The following STK33 variants were observed in gnomAD, a reference collection of about 807,000 sequenced individuals.
STK33 encodes serine/threonine-protein kinase 33.
A neutral mutation model predicts 58.0 loss-of-function variants in STK33; 52 were observed. The observed-to-expected ratio is 0.90, with a 90% confidence interval of 0.72 to 1.13. The LOEUF is 1.13. Ranked by LOEUF, STK33 falls within the 50% of genes most tolerant of loss-of-function variation. The probability of loss-of-function intolerance (pLI) is 0.00; values close to 1 mark genes in which losing one functional copy is unlikely to be tolerated. For synonymous variants in STK33, 215 were observed against 200.1 expected (o/e 1.07, Z -0.63); for missense variants, 630 against 604.2 (o/e 1.04, Z -0.45).
intron 1 of STK33, among the ~76,000 whole-genome samples, chr11:8,560,100 T>C (rs1376096546): frequency 6.6e-6 from 1 of 152,162 alleles, no homozygotes; most frequent in Non-Finnish European, 1.5e-5. Context: ...CTATATGCAA[T>C]AACCTTTTAC....
At chr11:8,568,728 A>T (rs1240674737) in intron 1 of STK33, among the ~76,000 whole-genome samples, 1 of 152,212 alleles carries the variant, frequency 6.6e-6, no homozygotes, top group East Asian at 1.9e-4. Flanking sequence ...AATATAATGC[A>T]GCAGAAGGAA....
At chr11:8,396,683 C>T (rs766537982) in intron 15 of STK33, among the ~76,000 whole-genome samples, 21 of 152,156 alleles carry the variant, frequency 1.4e-4, no homozygotes, top group Non-Finnish European at 2.2e-4. Context: ...ACCCGGGAAG[C>T]GCAAGGGGTC....
At chr11:8,498,756 C>T (rs1951264236) in intron 1 of STK33, among the ~76,000 whole-genome samples, 1 of 152,138 alleles carries the variant, frequency 6.6e-6, no homozygotes, top group South Asian at 2.1e-4. Flanking sequence ...TGGAACAGAA[C>T]AGAGGCCTCA....
At chr11:8,431,220 T>G (rs935430657) in intron 14 of STK33, among the ~76,000 whole-genome samples, 1 of 152,124 alleles carries the variant, frequency 6.6e-6, no homozygotes, top group Non-Finnish European at 1.5e-5. Flanking sequence ...TATATTCATA[T>G]ACATAAGATA....
At chr11:8,450,236 A>T (rs1267995144) in intron 11 of STK33, among the ~76,000 whole-genome samples, 2 of 152,322 alleles carry the variant, frequency 1.3e-5, no homozygotes, top group South Asian at 2.1e-4. Context: ...ATAAAAAAGG[A>T]TGAGTTCATG....
chr11:8,498,154 G>GA (rs1284976385), intron 1 of STK33, among the ~76,000 whole-genome samples: 4 of 151,474 alleles, frequency 2.6e-5, no homozygotes, highest in Non-Finnish European at 4.4e-5. Flanking sequence ...GATATATGCA[G>GA]AAAAAAAACA....
intron 6 of STK33, chr11:8,465,240 A>G (rs1317885498): frequency 6.6e-6 from 1 of 152,660 alleles, no homozygotes. Flanking sequence ...ATACTACAAA[A>G]TCGACACATA....
At chr11:8,406,142 CAA>C (rs59336494) in intron 15 of STK33, among the ~76,000 whole-genome samples, 2 of 94,696 alleles carry the variant, frequency 2.1e-5, no homozygotes, top group African/African-American at 3.2e-5. Context: ...GACTCCGTCT[CAA>C]AAAAAAAAAA....
chr11:8,395,010 A>G (rs1849093412), intron 15 of STK33, among the ~76,000 whole-genome samples: 1 of 152,188 alleles, frequency 6.6e-6, no homozygotes, highest in South Asian at 2.1e-4. Context: ...ATAGTGTACA[A>G]TTTCAGAGAG....
At chr11:8,507,842 T>A (rs1951986976) in intron 1 of STK33, among the ~76,000 whole-genome samples, 1 of 152,198 alleles carries the variant, frequency 6.6e-6, no homozygotes, top group South Asian at 2.1e-4. Flanking sequence ...GCTTTTGACC[T>A]GATCTACAAT....
In STK33 at chr11:8,422,910, C is replaced by T. The variant is rs190748844; in HGVS notation, c.1147-9218G>A. Among the ~76,000 whole-genome samples, 1,054 of 151,610 alleles carry T rather than the reference C, an allele frequency of 7.0e-3. 9 individuals are homozygous for T. The highest frequency in any genetic ancestry group is 0.024 in the African/African-American group (1,006 of 41,404). Reference sequence around the variant, plus strand: ...TGCAATCACGAGTCACTGCAGCCTCCGCTCTCCTAGACTCAGGTAATCCTC... The same window carrying T: ...TGCAATCACGAGTCACTGCAGCCTCTGCTCTCCTAGACTCAGGTAATCCTC... On this transcript the variant is annotated intron_variant, in intron 14 of 15. Coordinates refer to ENST00000687296, the MANE Select transcript of STK33 (RefSeq NM_001352389.2).
rs142428113 is a variant in STK33, at chr11:8,464,893, T to C, written c.340-71A>G. 9.5e-5 allele frequency: 87 copies of C among 915,006 alleles called. No homozygotes were observed. In the East Asian group the frequency reaches 1.8e-3, roughly 19 times the overall value. The allele number at this position is 915,006 out of a possible 1,614,324, so 56.7% of individuals were successfully genotyped here. A position where few individuals can be genotyped will look rare whatever the true frequency, so the allele number is the denominator to read the frequency against. On this transcript the variant is annotated intron_variant, in intron 6 of 15. Transcript: ENST00000687296. ...GCTATTAAAAATGAACATATAATAC[T>C]GACAGATACTCACCCAAGGGAAAAG... is the stretch of plus-strand genomic sequence containing the variant.
chr11:8,434,065 A>C (rs1943740095), intron 14 of STK33: 1 of 153,982 alleles, frequency 6.5e-6, no homozygotes, highest in Non-Finnish European at 1.4e-5. Flanking sequence ...TCTACTAAAA[A>C]TACAAAAAAT....
intron 6 of STK33, chr11:8,466,419 G>GC (rs1948192670): frequency 6.6e-6 from 1 of 151,998 alleles, no homozygotes; most frequent in Non-Finnish European, 1.5e-5. Flanking sequence ...CAGGCCCAAT[G>GC]CAAGTCCAAA....
intron 1 of STK33, among the ~76,000 whole-genome samples, chr11:8,592,977 T>G (rs1475491226): frequency 6.6e-6 from 1 of 152,214 alleles, no homozygotes; most frequent in Non-Finnish European, 1.5e-5. Flanking sequence ...AGGGTAATAG[T>G]AGCAGAGACA....
At chr11:8,479,451 G>T (rs1949601535) in intron 2 of STK33, among the ~76,000 whole-genome samples, 2 of 147,066 alleles carry the variant, frequency 1.4e-5, no homozygotes, top group South Asian at 4.3e-4. Flanking sequence ...AAAAAAGCGA[G>T]AACAGAAATT....
At chr11:8,392,845 T>G in intron 15 of STK33, 135 bp from the exon 16 acceptor site, 1 of 742,248 alleles carries the variant, frequency 1.3e-6, no homozygotes, top group Non-Finnish European at 2.2e-6. Context: ...ACTAGTCATA[T>G]TGTAAAATTA....
chr11:8,435,191 T>A (rs1360715120), intron 14 of STK33, among the ~76,000 whole-genome samples: 1 of 152,200 alleles, frequency 6.6e-6, no homozygotes, highest in Non-Finnish European at 1.5e-5. Context: ...TACAGACTGT[T>A]TCAATTTTCC....
At chr11:8,355,061 T>A in the STK33 span, among the ~76,000 whole-genome samples, 15 of 152,228 alleles carry the variant, frequency 9.9e-5, no homozygotes, top group Non-Finnish European at 1.0e-4. Context: ...CAGCGGCCGC[T>A]GCCTGCTAAT....
Sources: gnomAD v4.1 joint callset for allele counts (sites outside exome capture counted in the v4.1 genomes callset) on GRCh38, gnomAD v4.1.1 for gene constraint, MANE v1.5 for transcripts, NCBI Gene and HGNC (gene_info 2026-07-23, HGNC 2026-07-21) for gene names.